Variants in CLMN observed in about 807,000 individuals in gnomAD.
The protein encoded by CLMN is calmin (calponin-like, transmembrane).
In CLMN, 57 loss-of-function variants were observed where a neutral mutation model predicts 92.7. The ratio of observed to expected loss-of-function variants is 0.61; its 90% CI spans 0.50 to 0.77. The LOEUF is 0.77. Ranked by LOEUF, CLMN falls within the 30% of genes least tolerant of loss-of-function variation. The pLI, the probability that CLMN is intolerant of heterozygous loss-of-function variation, is 0.00. For missense variants in CLMN, 1,158 were observed against 1,237.5 expected, an observed-to-expected ratio of 0.94 and a Z score of 0.96; for synonymous variants, 466 against 470.6, an observed-to-expected ratio of 0.99 and a Z score of 0.13.
At chr14:95,248,987 T>C (rs1233986548) in intron 1 of CLMN, among the ~76,000 whole-genome samples, 2 of 152,216 alleles carry the variant, frequency 1.3e-5, no homozygotes, top group Non-Finnish European at 2.9e-5. Context: ...ATGTTATATT[T>C]GACAAGAAAA....
rs1566863542 is a variant in CLMN, at chr14:95,203,526, CT to C, written c.1822del (p.Arg608GlyfsTer137). The stretch of plus-strand genomic sequence containing the variant: ...CTTTTTGTGAGCAGATTTAATACTC[CT>C]TTTACCTAGTTTTTCAGCATGATTC... ...FENHAEKLGK[R>X]SIKSAHKKKD... is the part of the protein sequence containing the mutation. On this transcript the variant is annotated frameshift_variant, in exon 9 of 13. Transcript: ENST00000298912. LOFTEE classifies it high-confidence loss of function. 1.9e-6 allele frequency: 3 copies of C among 1,614,142 alleles called. No individual in the cohort carries two copies. Among genetic ancestry groups the C allele is most frequent in the Non-Finnish European group, 2.5e-6 (3 of 1,180,028 alleles).
rs368613348 is a variant in CLMN at position 95,191,591 on chromosome 14, G to A, written c.2982C>T (p.Phe994=). Residue 994 remains phenylalanine (F), a synonymous_variant, in exon 13 of 13, where the codon TTC becomes TTT. Transcript: ENST00000298912. This position sits in a 1 kb window ranked among gnomAD's most constrained non-coding sequence, Gnocchi z 5.3. ...LWLLVYCLLL[F]PQLDVSRL ...AGAGCCTGCTAACATCCAGTTGTGGGAAGAGCAGCAAGCAGTACACCAGGA... is the reference window on the plus strand; with the variant it reads ...AGAGCCTGCTAACATCCAGTTGTGGAAAGAGCAGCAAGCAGTACACCAGGA... The A allele has an allele frequency of 6.2e-7, 1 of 1,613,340 alleles. No homozygotes were observed. Among genetic ancestry groups the A allele is most frequent in the South Asian group, 1.1e-5 (1 of 91,036 alleles).
intron 3 of CLMN, among the ~76,000 whole-genome samples, chr14:95,223,068 C>T (rs1366747159): frequency 6.6e-6 from 1 of 152,182 alleles, no homozygotes; most frequent in East Asian, 1.9e-4. Context: ...GATCAGTTTG[C>T]CCCCTCATGG....
At chr14:95,273,241 C>T (rs763385173) in intron 1 of CLMN, among the ~76,000 whole-genome samples, 12 of 152,168 alleles carry the variant, frequency 7.9e-5, no homozygotes, top group African/African-American at 1.2e-4. Context: ...TTAGAGGCGA[C>T]AGTGTGGAGA....
chr14:95,241,105 C>T (rs1212863712), intron 1 of CLMN, among the ~76,000 whole-genome samples: 1 of 152,042 alleles, frequency 6.6e-6, no homozygotes, highest in African/African-American at 2.4e-5. Flanking sequence ...AAACACACAA[C>T]CTCATACAAA....
At chr14:95,258,170 T>G (rs564057152) in intron 1 of CLMN, among the ~76,000 whole-genome samples, 4 of 151,928 alleles carry the variant, frequency 2.6e-5, no homozygotes, top group African/African-American at 7.2e-5. Context: ...GTTGTGTATA[T>G]GTGGGGTGTG....
At chr14:95,258,504 G>A (rs1374386636) in intron 1 of CLMN, among the ~76,000 whole-genome samples, 1 of 149,832 alleles carries the variant, frequency 6.7e-6, no homozygotes, top group Non-Finnish European at 1.5e-5. Flanking sequence ...TGTGTTGAGG[G>A]TGTGTATGTG....
chr14:95,215,818 T>TGC (rs1897325444), intron 4 of CLMN, 85 bp from the exon 5 acceptor site: 1 of 18,124 alleles, frequency 5.5e-5, no homozygotes, highest in Non-Finnish European at 7.8e-5. Context: ...TCTCTCTCTG[T>TGC]GTGTGTGTGT....
At chr14:95,261,874 A>G (rs1000415387) in intron 1 of CLMN, among the ~76,000 whole-genome samples, 6 of 152,160 alleles carry the variant, frequency 3.9e-5, no homozygotes, top group African/African-American at 1.2e-4. Context: ...CCTGGCCTCT[A>G]TGAGTATCCA....
chr14:95,244,843 T>C (rs1898399257), intron 1 of CLMN, among the ~76,000 whole-genome samples: 1 of 151,740 alleles, frequency 6.6e-6, no homozygotes, highest in Non-Finnish European at 1.5e-5. Context: ...CCCCTTCCAA[T>C]GGGGGCTGCT....
At chr14:95,241,560 G>A (rs1898243325) in intron 1 of CLMN, among the ~76,000 whole-genome samples, 1 of 152,188 alleles carries the variant, frequency 6.6e-6, no homozygotes, top group Non-Finnish European at 1.5e-5. Context: ...TTTCTACCCT[G>A]AGCAGGAGAG....
At chr14:95,272,599 T>A (rs1430359838) in intron 1 of CLMN, among the ~76,000 whole-genome samples, 2 of 152,236 alleles carry the variant, frequency 1.3e-5, no homozygotes, top group East Asian at 3.8e-4. Context: ...TCACATTTAG[T>A]ACGACAATAC....
intron 1 of CLMN, among the ~76,000 whole-genome samples, chr14:95,300,105 T>C (rs1405888175): frequency 2.6e-5 from 4 of 152,210 alleles, no homozygotes; most frequent in Non-Finnish European, 5.9e-5. Context: ...TCTCCCACTA[T>C]GGAGGTGGCC....
chr14:95,294,577 C>T lies in CLMN; in HGVS notation c.82+25134G>A, dbSNP rs1900731394. On this transcript the variant is annotated intron_variant, in intron 1 of 12. Coordinates refer to ENST00000298912, the MANE Select transcript of CLMN (RefSeq NM_024734.4). This position sits in a 1 kb window ranked among gnomAD's most constrained non-coding sequence, Gnocchi z 4.2. ...GAGTCACATGATCTTGGGAAGTTAC[C>T]TCCTGGTCTCTACCTTGTAGAAAAG... is the stretch of plus-strand genomic sequence containing the variant. Among the ~76,000 whole-genome samples the T allele has an allele frequency of 6.6e-6, 1 of 152,230 alleles. No individual in the cohort carries two copies.
intron 1 of CLMN, among the ~76,000 whole-genome samples, chr14:95,257,164 C>T (rs1000204315): frequency 1.3e-5 from 2 of 152,160 alleles, no homozygotes; most frequent in African/African-American, 2.4e-5. Context: ...CCTGGGTTGA[C>T]GTTTGCACGA....
rs1896644762 is a variant in CLMN, at chr14:95,194,480, G to T, written c.2769+56C>A. 6.8e-6 allele frequency: 11 copies of T among 1,613,170 alleles called. No homozygotes were observed. Among genetic ancestry groups the T allele is most frequent in the Non-Finnish European group, 9.3e-6 (11 of 1,179,256 alleles). ...CTCTGGGCTGGGGAGGAGGAAGGAT[G>T]GAAAGGAATTGATTAGCAGGGGCCG... On this transcript the variant is annotated intron_variant, in intron 11 of 12. Transcript: ENST00000298912. This position sits in a 1 kb window ranked among gnomAD's most constrained non-coding sequence, Gnocchi z 4.0.
Position 95,201,559 on chromosome 14 carries a change from T to C in CLMN, c.2511+1279A>G, listed in dbSNP as rs565437870. On this transcript the variant is annotated intron_variant, in intron 9 of 12. Coordinates refer to ENST00000298912, the MANE Select transcript of CLMN (RefSeq NM_024734.4). The stretch of plus-strand genomic sequence containing the variant: ...TGTTTGTTTCTTCCTTTATTGGCTT[T>C]TTTTTCCTTTTTTTTTTTTTTTATT... Among the ~76,000 whole-genome samples the C allele has an allele frequency of 1.5e-4, 23 of 150,726 alleles. No individual in the cohort carries two copies. In the East Asian group the frequency reaches 3.7e-3, roughly 24 times the overall value.
chr14:95,319,708 T>C lies in CLMN; in HGVS notation c.82+3A>G, dbSNP rs1227483831. The C allele has an allele frequency of 2.5e-6, 4 of 1,592,290 alleles. No homozygotes were observed. The highest frequency in any genetic ancestry group is 3.4e-6 in the Non-Finnish European group (4 of 1,173,784). On this transcript the variant is annotated splice_donor_region_variant and intron_variant, in intron 1 of 12. Coordinates refer to ENST00000298912, the MANE Select transcript of CLMN (RefSeq NM_024734.4). ...ATCCCGGGGCGAGCCTGGGCTGCGT[T>C]ACCTTGCAGGTTCTGCACTCGGATG...
chr14:95,254,246 C>T (rs1898905953), intron 1 of CLMN, among the ~76,000 whole-genome samples: 1 of 152,162 alleles, frequency 6.6e-6, no homozygotes, highest in African/African-American at 2.4e-5. Flanking sequence ...CCAAGGCCAC[C>T]CCCCAAGGTC....
Sources: gnomAD v4.1 joint callset for allele counts (sites outside exome capture counted in the v4.1 genomes callset) on GRCh38, gnomAD v4.1.1 for gene constraint, Gnocchi (gnomAD v3.1) non-coding constraint, MANE v1.5 for transcripts, NCBI Gene and HGNC (gene_info 2026-07-23, HGNC 2026-07-21) for gene names.